The following SOS2 variants were observed in gnomAD, a reference collection of about 807,000 sequenced individuals.
SOS2 encodes SOS Ras/Rho guanine nucleotide exchange factor 2, also known as son of sevenless homolog 2.
Under a neutral mutation model 148.2 loss-of-function variants are expected in SOS2, and 65 were observed. The ratio of observed to expected loss-of-function variants is 0.44; its 90% CI spans 0.36 to 0.54. The LOEUF is 0.54. Ranked by LOEUF, SOS2 falls within the 20% of genes least tolerant of loss-of-function variation. SOS2 has a pLI of 0.00. For synonymous variants in SOS2, 539 were observed against 537.1 expected (o/e 1.00, Z -0.05); for missense variants, 1,341 against 1,590.2 (o/e 0.84, Z 2.67).
intron 5 of SOS2, among the ~76,000 whole-genome samples, chr14:50,184,368 T>C (rs1315712044): frequency 6.6e-6 from 1 of 152,214 alleles, no homozygotes; most frequent in Non-Finnish European, 1.5e-5. Context: ...AAACATATTT[T>C]TGGTCTTTGT....
At chr14:50,143,225 T>A (rs1884352035) in intron 16 of SOS2, among the ~76,000 whole-genome samples, 1 of 150,250 alleles carries the variant, frequency 6.7e-6, no homozygotes. Context: ...CTCAAGAGGC[T>A]GGGACAGGAC....
Position 50,145,182 on chromosome 14 carries a change from G to A in SOS2, c.2655C>T (p.Asp885=). Residue 885 remains aspartate (D), a synonymous_variant, in exon 16 of 23, where the codon GAC becomes GAT. Coordinates refer to ENST00000216373, the MANE Select transcript of SOS2 (RefSeq NM_006939.4). ...AVNSVSVYRL[D]HTFEALQERK... ...GCCTAAAACTTACCTCAAAGGTATG[G>A]TCTAGTCTGTATACTGACACTGAAT... 1.3e-6 allele frequency: 2 copies of A among 1,595,634 alleles called. No individual in the cohort carries two copies. Among genetic ancestry groups the A allele is most frequent in the East Asian group, 2.3e-5 (1 of 44,212 alleles).
chr14:50,222,994 T>C (rs1419632978), intron 1 of SOS2, among the ~76,000 whole-genome samples: 1 of 152,074 alleles, frequency 6.6e-6, no homozygotes, highest in Non-Finnish European at 1.5e-5. Context: ...TGGTTCCAGG[T>C]GGTAAAAGTC....
chr14:50,203,617 C>T (rs905014496), intron 2 of SOS2, among the ~76,000 whole-genome samples: 3 of 151,514 alleles, frequency 2.0e-5, no homozygotes, highest in African/African-American at 7.3e-5. Context: ...TACACACACA[C>T]ATACATATAC....
intron 8 of SOS2, among the ~76,000 whole-genome samples, chr14:50,167,628 G>C (rs1443514774): frequency 6.6e-6 from 1 of 152,034 alleles, no homozygotes; most frequent in Non-Finnish European, 1.5e-5. Context: ...CAGCACTTTG[G>C]GAGGCTGAGG....
chr14:50,142,795 T>C (rs1236597284), intron 16 of SOS2, among the ~76,000 whole-genome samples: 1 of 152,266 alleles, frequency 6.6e-6, no homozygotes, highest in Non-Finnish European at 1.5e-5. Flanking sequence ...CATATAACTT[T>C]ATACTCTGGT....
Position 50,231,340 on chromosome 14 carries a change from T to A in SOS2, c.-57A>T. On this transcript the variant is annotated 5_prime_UTR_variant, in exon 1 of 23. Coordinates refer to ENST00000216373, the MANE Select transcript of SOS2 (RefSeq NM_006939.4). ...CAGCCCGCGGGCCGGGCCGGTGGCC[T>A]GACAGGCAGGGCGCGGGCCGCCTCG... The A allele has an allele frequency of 1.1e-6, 1 of 918,492 alleles. No homozygotes were observed. Among genetic ancestry groups the A allele is most frequent in the Non-Finnish European group, 1.4e-6 (1 of 712,072 alleles). 56.9% of individuals were successfully genotyped at this position (918,492 alleles called of 1,614,324 possible). A position where few individuals can be genotyped will look rare whatever the true frequency, so the allele number is the denominator to read the frequency against.
intron 8 of SOS2, among the ~76,000 whole-genome samples, chr14:50,170,186 G>A (rs2139664283): frequency 6.6e-6 from 1 of 151,452 alleles, no homozygotes; most frequent in Non-Finnish European, 1.5e-5. Context: ...TCTCACCTTG[G>A]CCTCCCAAAG....
intron 19 of SOS2, 65 bp downstream of exon 19, chr14:50,134,058 G>T: frequency 1.2e-6 from 1 of 840,736 alleles, no homozygotes; most frequent in Non-Finnish European, 2.1e-6. Flanking sequence ...ATAACAGGTT[G>T]TTAAACATTG....
At chr14:50,196,283 T>C (rs531425293) in intron 4 of SOS2, among the ~76,000 whole-genome samples, 27 of 152,314 alleles carry the variant, frequency 1.8e-4, no homozygotes, top group African/African-American at 6.5e-4. Context: ...TTTTTTGTCA[T>C]TTCAATTTTT....
intron 18 of SOS2, among the ~76,000 whole-genome samples, chr14:50,135,086 A>AAG (rs1003341264): frequency 1.3e-5 from 2 of 149,026 alleles, no homozygotes; most frequent in African/African-American, 4.9e-5. Context: ...AAAAAAAAAA[A>AAG]AAAAAAGAAA....
At chr14:50,223,709 G>A (rs1445771074) in intron 1 of SOS2, among the ~76,000 whole-genome samples, 1 of 151,966 alleles carries the variant, frequency 6.6e-6, no homozygotes, top group African/African-American at 2.4e-5. Flanking sequence ...GCTGGGTGTG[G>A]TGGCACACAC....
At position 50,174,513 on chromosome 14, in the gene SOS2, G is replaced by T. The variant is rs1204583343; in HGVS notation, c.1009C>A (p.Leu337Ile). 1.9e-6 allele frequency: 3 copies of T among 1,609,724 alleles called. No homozygotes were observed. Among genetic ancestry groups the T allele is most frequent in the Non-Finnish European group, 2.5e-6 (3 of 1,177,256 alleles). ...DGFKEAVRYV[L>I]PRLMLVPVYH... ...ACTGGCACCAGCATAAGACGTGGAA[G>T]GACATAACGAACTGCCTCTTTAAAA... The change falls in exon 8 of 23, where the codon CTT (leucine) becomes ATT (isoleucine). Residue 337 changes from leucine to isoleucine, a missense_variant. Transcript: ENST00000216373.
intron 12 of SOS2, among the ~76,000 whole-genome samples, chr14:50,154,443 T>C (rs1450971973): frequency 3.3e-5 from 5 of 152,166 alleles, no homozygotes; most frequent in African/African-American, 1.2e-4. Flanking sequence ...AAACTAAACA[T>C]ACACATACCT....
At position 50,161,719 on chromosome 14, in the gene SOS2, T is replaced by C. The variant is rs1392250183; in HGVS notation, c.1069-110A>G. ...TATTATCAACTCTAAGTTAATTTTATATATACTTAATAAAAACAGCTATAA... is the reference window on the plus strand; with the variant it reads ...TATTATCAACTCTAAGTTAATTTTACATATACTTAATAAAAACAGCTATAA... On this transcript the variant is annotated intron_variant, in intron 8 of 22. Coordinates refer to ENST00000216373, the MANE Select transcript of SOS2 (RefSeq NM_006939.4). 7 of 898,036 alleles carry C rather than the reference T, an allele frequency of 7.8e-6. No homozygotes were observed. In the Admixed American group the frequency reaches 1.6e-4, roughly 20 times the overall value. 55.6% of individuals were successfully genotyped at this position (898,036 alleles called of 1,614,324 possible).
intron 1 of SOS2, among the ~76,000 whole-genome samples, chr14:50,224,747 G>A (rs1887315433): frequency 6.6e-6 from 1 of 151,866 alleles, no homozygotes; most frequent in Non-Finnish European, 1.5e-5. Context: ...TTAGCTGGGT[G>A]TAGTGGCACA....
intron 14 of SOS2, among the ~76,000 whole-genome samples, chr14:50,147,355 T>A (rs984854412): frequency 2.4e-4 from 37 of 151,688 alleles, no homozygotes; most frequent in African/African-American, 6.8e-4. Context: ...GAAATTTTTT[T>A]AAAAAAATTA....
At chr14:50,128,388 T>C (rs1459247906) in intron 21 of SOS2, among the ~76,000 whole-genome samples, 8 of 149,818 alleles carry the variant, frequency 5.3e-5, no homozygotes, top group African/African-American at 1.7e-4. Context: ...AAAACTGCTA[T>C]GAAAGGGCAT....
intron 1 of SOS2, among the ~76,000 whole-genome samples, chr14:50,214,834 CTT>C (rs1401154724): frequency 1.4e-5 from 2 of 146,694 alleles, no homozygotes; most frequent in African/African-American, 5.0e-5. Context: ...TTGTTTCTTT[CTT>C]TCTTTTTTTT....
Sources: gnomAD v4.1 joint callset for allele counts (sites outside exome capture counted in the v4.1 genomes callset) on GRCh38, gnomAD v4.1.1 for gene constraint, MANE v1.5 for transcripts, NCBI Gene and HGNC (gene_info 2026-07-23, HGNC 2026-07-21) for gene names.